The following BAIAP2 variants were observed in gnomAD, a reference collection of about 807,000 sequenced individuals.
BAIAP2 encodes BAR/IMD domain containing adaptor protein 2.
In BAIAP2, 18 loss-of-function variants were observed where a neutral mutation model predicts 63.0. That is an observed-to-expected ratio of 0.29 (90% CI 0.20 to 0.42). The LOEUF is 0.42. BAIAP2 is among the 10% of genes least tolerant of loss of function. The pLI is 1.00. For synonymous variants in BAIAP2, 386 were observed against 307.6 expected (o/e 1.25, Z -2.67); for missense variants, 610 against 734.3 (o/e 0.83, Z 1.96).
rs1285357165 is a variant in BAIAP2 at position 81,093,741 on chromosome 17, G to A, written c.490-6187G>A. ...TAGCCTGGATTGAGGTCTGAGAAAG[G>A]GGAGAGATGCGTGCTATTTAAAGGG... is the stretch of plus-strand genomic sequence containing the variant. On this transcript the variant is annotated intron_variant, in intron 6 of 13. Coordinates refer to ENST00000428708, the MANE Select transcript of BAIAP2 (RefSeq NM_001144888.2). 2.0e-5 allele frequency among the ~76,000 whole-genome samples: 3 copies of A among 152,188 alleles called. No homozygotes were observed. The East Asian group carries it at 5.8e-4, about 29-fold the overall frequency.
intron 1 of BAIAP2, among the ~76,000 whole-genome samples, chr17:81,049,238 G>A (rs2048300614): frequency 6.6e-6 from 1 of 152,136 alleles, no homozygotes; most frequent in Non-Finnish European, 1.5e-5. Context: ...GGGGGCATGG[G>A]GTCACAGAAC....
At chr17:81,079,723 T>C (rs1482664873) in intron 3 of BAIAP2, among the ~76,000 whole-genome samples, 1 of 152,220 alleles carries the variant, frequency 6.6e-6, no homozygotes, top group African/African-American at 2.4e-5. Flanking sequence ...GCCGGTCTGT[T>C]CTGGCTCATG....
chr17:81,089,736 T>C (rs2056388000), intron 6 of BAIAP2, among the ~76,000 whole-genome samples: 1 of 152,188 alleles, frequency 6.6e-6, no homozygotes, highest in South Asian at 2.1e-4. Flanking sequence ...CATTCCCATC[T>C]GTGGCTGCTA....
chr17:81,088,979 G>A (rs565962674), intron 6 of BAIAP2, among the ~76,000 whole-genome samples: 7 of 152,236 alleles, frequency 4.6e-5, no homozygotes, highest in Admixed American at 6.5e-5. Flanking sequence ...CAGCTCCCTG[G>A]TTTTCAGGTG....
At chr17:81,104,393 C>T in intron 9 of BAIAP2, 121 bp from the exon 10 acceptor site, 2 of 1,134,568 alleles carry the variant, frequency 1.8e-6, no homozygotes, top group Non-Finnish European at 2.5e-6. Context: ...GAGAGCTTAG[C>T]CAGCCCACTT....
At chr17:81,048,795 G>A (rs1200972029) in intron 1 of BAIAP2, among the ~76,000 whole-genome samples, 2 of 152,136 alleles carry the variant, frequency 1.3e-5, no homozygotes, top group African/African-American at 2.4e-5. Flanking sequence ...GATTCCATGC[G>A]ACTCCAGGGC....
At chr17:81,106,173 A>G in intron 11 of BAIAP2, 27 bp downstream of exon 11, 4 of 1,561,020 alleles carry the variant, frequency 2.6e-6, no homozygotes, top group Non-Finnish European at 3.5e-6. Flanking sequence ...ACGGGAGTGT[A>G]AGATCCCCAG....
intron 3 of BAIAP2, among the ~76,000 whole-genome samples, chr17:81,073,633 G>A (rs2053103257): frequency 6.6e-6 from 1 of 152,210 alleles, no homozygotes; most frequent in African/African-American, 2.4e-5. Flanking sequence ...CCTGGGCTGA[G>A]AGCATCCGAG....
At chr17:81,060,002 G>T (rs1347816661) in intron 3 of BAIAP2, among the ~76,000 whole-genome samples, 2 of 152,198 alleles carry the variant, frequency 1.3e-5, no homozygotes, top group African/African-American at 4.8e-5. Flanking sequence ...AGCTTCAGAA[G>T]AGAGGGAGAC....
In BAIAP2 at chr17:81,108,039, T is replaced by G. The variant is rs79890239; in HGVS notation, c.1501-436T>G. The G allele has an allele frequency of 5.9e-3, 1,149 of 196,278 alleles. 15 individuals are homozygous for G. Among genetic ancestry groups the G allele is most frequent in the African/African-American group, 0.025 (1,087 of 42,788 alleles). 12.2% of individuals were successfully genotyped at this position (196,278 alleles called of 1,614,324 possible). ...GCCGGGATGGTACATGTGACAAGTTTCCAGGAAACTGCAGCTGGGGTCTGG... is the reference window on the plus strand; with the variant it reads ...GCCGGGATGGTACATGTGACAAGTTGCCAGGAAACTGCAGCTGGGGTCTGG... On this transcript the variant is annotated intron_variant, in intron 12 of 13. Coordinates refer to ENST00000428708, the MANE Select transcript of BAIAP2 (RefSeq NM_001144888.2).
intron 13 of BAIAP2, chr17:81,110,614 C>A: frequency 1.6e-6 from 2 of 1,239,964 alleles, no homozygotes; most frequent in African/African-American, 1.5e-5. Context: ...GGCACTCAGT[C>A]GCCTGCTAGA....
chr17:81,114,901 CCA>C (rs539717650), intron 13 of BAIAP2, among the ~76,000 whole-genome samples: 6 of 152,328 alleles, frequency 3.9e-5, no homozygotes, highest in African/African-American at 1.4e-4. Context: ...GGTAATGGCT[CCA>C]GAGTCCAAGC....
intron 2 of BAIAP2, among the ~76,000 whole-genome samples, chr17:81,054,516 C>T (rs1411230456): frequency 6.6e-6 from 1 of 152,190 alleles, no homozygotes; most frequent in African/African-American, 2.4e-5. Context: ...ACGCCCCTGC[C>T]TGTGCGGGCT....
chr17:81,076,484 T>C (rs2053682606), intron 3 of BAIAP2: 1 of 152,222 alleles, frequency 6.6e-6, no homozygotes, highest in East Asian at 1.9e-4. Flanking sequence ...ATTTCGGCTA[T>C]AAGCAGGCGA....
chr17:81,102,111 G>GC (rs2058571124), intron 7 of BAIAP2, among the ~76,000 whole-genome samples: 1 of 150,088 alleles, frequency 6.7e-6, no homozygotes, highest in African/African-American at 2.5e-5. Flanking sequence ...GGGCTCGTGG[G>GC]CCCCCGGGCG....
rs759916582 is a variant in BAIAP2, at chr17:81,085,533, C to T, written c.280-121C>T. ...CAGCTCATCAGTCAGGGGGAGGGGG[C>T]CCCTCCTGCACAGCCGGGACACCCG... On this transcript the variant is annotated intron_variant, in intron 4 of 13. Transcript: ENST00000428708. 1.1e-5 allele frequency: 9 copies of T among 806,570 alleles called. No homozygotes were observed. The African/African-American group carries it at 1.4e-4, about 12-fold the overall frequency. The allele number at this position is 806,570 out of a possible 1,614,324, so 50.0% of individuals were successfully genotyped here. A position where few individuals can be genotyped will look rare whatever the true frequency, so the allele number is the denominator to read the frequency against.
At chr17:81,088,655 C>T (rs1251347475) in intron 6 of BAIAP2, among the ~76,000 whole-genome samples, 2 of 152,196 alleles carry the variant, frequency 1.3e-5, no homozygotes, top group Non-Finnish European at 2.9e-5. Context: ...GTTCTTAAAG[C>T]TCATCGTGCC....
At chr17:81,081,388 G>C (rs1251411750) in intron 3 of BAIAP2, among the ~76,000 whole-genome samples, 1 of 152,168 alleles carries the variant, frequency 6.6e-6, no homozygotes, top group Non-Finnish European at 1.5e-5. Context: ...GCTGTCCTTG[G>C]CTCGTAGGAT....
intron 6 of BAIAP2, chr17:81,087,001 C>T (rs1221380586): frequency 1.1e-5 from 2 of 179,904 alleles, no homozygotes; most frequent in Non-Finnish European, 2.4e-5. Flanking sequence ...TTGTTTCTCT[C>T]ACCGTCCCGC....
Sources: allele counts gnomAD v4.1 joint callset (sites outside exome capture counted in the v4.1 genomes callset), GRCh38; gene constraint gnomAD v4.1.1; transcripts MANE v1.5; gene names NCBI Gene and HGNC (gene_info 2026-07-23, HGNC 2026-07-21).